Variants in ANKS1B observed in about 807,000 individuals in gnomAD.
The protein encoded by ANKS1B is ankyrin repeat and sterile alpha motif domain containing 1B.
ANKS1B carries 36 observed loss-of-function variants against 148.3 expected under a neutral mutation model. The ratio of observed to expected loss-of-function variants is 0.24; its 90% CI spans 0.19 to 0.32. The LOEUF (loss-of-function observed/expected upper bound fraction) is 0.32, where lower values mean the gene tolerates loss of function less well. Among genes scored for constraint, ANKS1B ranks in the 10% least tolerant of loss-of-function variants. The pLI, the probability that ANKS1B is intolerant of heterozygous loss-of-function variation, is 1.00. For missense variants in ANKS1B, 1,157 were observed against 1,542.6 expected, an observed-to-expected ratio of 0.75 and a Z score of 4.19; for synonymous variants, 542 against 560.8, an observed-to-expected ratio of 0.97 and a Z score of 0.47.
Position 99,844,026 on chromosome 12 carries a change from C to A in ANKS1B, c.135-18637G>T, listed in dbSNP as rs576471700. On this transcript the variant is annotated intron_variant, in intron 1 of 26. Coordinates refer to ENST00000683438, the MANE Select transcript of ANKS1B (RefSeq NM_001352186.2). ...GTGATGTTGAGCTTTTTAAAAGTTT[C>A]TTGGCCACATGTATGTCTTATTTTG... 7.2e-5 allele frequency among the ~76,000 whole-genome samples: 11 copies of A among 152,072 alleles called. No homozygotes were observed. In the South Asian group the frequency reaches 1.0e-3, roughly 14 times the overall value.
intron 17 of ANKS1B, among the ~76,000 whole-genome samples, chr12:98,873,014 C>T (rs530510388): frequency 2.3e-4 from 35 of 152,276 alleles, no homozygotes; most frequent in Non-Finnish European, 4.0e-4. Context: ...GAGGATCCAT[C>T]TTGTAAGACT....
At chr12:99,327,120 A>G (rs1390192578) in intron 12 of ANKS1B, among the ~76,000 whole-genome samples, 1 of 125,438 alleles carries the variant, frequency 8.0e-6, no homozygotes, top group South Asian at 2.2e-4. Flanking sequence ...AATATAACTA[A>G]TATAATTAAT....
chr12:99,249,823 C>T (rs1425898125), intron 12 of ANKS1B, among the ~76,000 whole-genome samples: 1 of 152,210 alleles, frequency 6.6e-6, no homozygotes, highest in Non-Finnish European at 1.5e-5. Context: ...AGCATGTGTG[C>T]ATTAGACTTG....
chr12:99,211,582 C>T (rs1310616478), intron 14 of ANKS1B, among the ~76,000 whole-genome samples: 1 of 152,168 alleles, frequency 6.6e-6, no homozygotes, highest in African/African-American at 2.4e-5. Flanking sequence ...AAGTCAAATA[C>T]AATTTTTAAA....
At chr12:99,759,642 C>T (rs1197612494) in intron 8 of ANKS1B, among the ~76,000 whole-genome samples, 1 of 151,904 alleles carries the variant, frequency 6.6e-6, no homozygotes, top group Non-Finnish European at 1.5e-5. Flanking sequence ...TTTTTAAATA[C>T]TGGCAAGCTG....
intron 1 of ANKS1B, 78 bp downstream of exon 1, chr12:99,984,026 A>C: frequency 3.8e-5 from 49 of 1,280,284 alleles, no homozygotes; most frequent in Middle Eastern, 2.0e-4. Flanking sequence ...CAGGTGCAAT[A>C]ACCGTGAGGA....
chr12:99,868,810 C>A (rs1224361094), intron 1 of ANKS1B, among the ~76,000 whole-genome samples: 1 of 152,142 alleles, frequency 6.6e-6, no homozygotes, highest in Non-Finnish European at 1.5e-5. Flanking sequence ...GTAATCCCAG[C>A]ATTTTGGGAG....
At chr12:99,401,330 G>A (rs1477195655) in intron 11 of ANKS1B, among the ~76,000 whole-genome samples, 1 of 146,066 alleles carries the variant, frequency 6.8e-6, no homozygotes, top group South Asian at 2.1e-4. Flanking sequence ...GAGCTATAGC[G>A]CTGGCTCCAA....
At chr12:99,100,351 A>G (rs1196682060) in intron 15 of ANKS1B, among the ~76,000 whole-genome samples, 1 of 152,080 alleles carries the variant, frequency 6.6e-6, no homozygotes, top group East Asian at 1.9e-4. Context: ...CACCCATTCA[A>G]TCATTCCCTC....
At chr12:99,756,459 C>T (rs1404365821) in intron 8 of ANKS1B, among the ~76,000 whole-genome samples, 7 of 152,022 alleles carry the variant, frequency 4.6e-5, no homozygotes, top group Non-Finnish European at 8.8e-5. Context: ...AAATTCCATG[C>T]TAATGGATAG....
chr12:98,996,098 A>G (rs1239174952), intron 17 of ANKS1B, among the ~76,000 whole-genome samples: 1 of 152,152 alleles, frequency 6.6e-6, no homozygotes, highest in African/African-American at 2.4e-5. Context: ...GACATTGGGT[A>G]GAATATTCAG....
intron 12 of ANKS1B, among the ~76,000 whole-genome samples, chr12:99,256,069 G>A (rs1413169699): frequency 6.6e-6 from 1 of 151,720 alleles, no homozygotes; most frequent in Non-Finnish European, 1.5e-5. Flanking sequence ...GGCCAACATG[G>A]TGAAACCCTG....
At chr12:99,525,078 T>C (rs1014962828) in intron 9 of ANKS1B, among the ~76,000 whole-genome samples, 5 of 151,666 alleles carry the variant, frequency 3.3e-5, no homozygotes, top group Non-Finnish European at 2.9e-5. Context: ...ATTCTGGACC[T>C]CCAGAACTGA....
At chr12:99,560,840 C>G (rs371030227) in intron 9 of ANKS1B, among the ~76,000 whole-genome samples, 1 of 71,928 alleles carries the variant, frequency 1.4e-5, no homozygotes, top group African/African-American at 4.9e-5. Flanking sequence ...TTTCTTTTTT[C>G]TTTTTTTTTT....
chr12:99,492,590 C>G (rs901698082), intron 10 of ANKS1B, among the ~76,000 whole-genome samples: 1 of 152,034 alleles, frequency 6.6e-6, no homozygotes, highest in African/African-American at 2.4e-5. Context: ...GCCAGAAGCA[C>G]AATAAAAACA....
chr12:99,475,637 T>C (rs1311090845), intron 10 of ANKS1B, among the ~76,000 whole-genome samples: 1 of 151,698 alleles, frequency 6.6e-6, no homozygotes, highest in East Asian at 1.9e-4. Flanking sequence ...CTTTTGAAAT[T>C]GGATGAAATT....
intron 1 of ANKS1B, among the ~76,000 whole-genome samples, chr12:99,872,905 T>C (rs2091686429): frequency 6.6e-6 from 1 of 152,128 alleles, no homozygotes; most frequent in Admixed American, 6.6e-5. Context: ...TTTCCAACAC[T>C]AGATACATTA....
chr12:99,337,818 T>A (rs923630803), intron 12 of ANKS1B, among the ~76,000 whole-genome samples: 1 of 152,158 alleles, frequency 6.6e-6, no homozygotes, highest in African/African-American at 2.4e-5. Flanking sequence ...GAGAATTCCA[T>A]GGATTATCAG....
intron 1 of ANKS1B, among the ~76,000 whole-genome samples, chr12:99,881,597 A>G (rs369712250): frequency 1.3e-5 from 2 of 152,338 alleles, no homozygotes; most frequent in Admixed American, 6.5e-5. Context: ...AGCTGCACAT[A>G]CAGAGATATG....
Sources: allele counts gnomAD v4.1 joint callset (sites outside exome capture counted in the v4.1 genomes callset), GRCh38; gene constraint gnomAD v4.1.1; transcripts MANE v1.5; gene names NCBI Gene and HGNC (gene_info 2026-07-23, HGNC 2026-07-21).